The following WWP2 variants were observed in gnomAD, a reference collection of about 807,000 sequenced individuals.
WWP2 encodes the protein NEDD4-like E3 ubiquitin-protein ligase WWP2.
Under a neutral mutation model 121.0 loss-of-function variants are expected in WWP2, and 57 were observed. The observed-to-expected ratio is 0.47, with a 90% CI of 0.38 to 0.59. The LOEUF is 0.59. Ranked by LOEUF, WWP2 falls within the 20% of genes least tolerant of loss-of-function variation. WWP2 has a pLI of 0.00. For missense variants in WWP2, 962 were observed against 1,158.9 expected, an observed-to-expected ratio of 0.83 and a Z score of 2.47; for synonymous variants, 449 against 441.3, an observed-to-expected ratio of 1.02 and a Z score of -0.22.
chr16:69,859,658 G>A (rs1055295979), intron 6 of WWP2, among the ~76,000 whole-genome samples: 11 of 152,070 alleles, frequency 7.2e-5, no homozygotes, highest in African/African-American at 1.4e-4. Flanking sequence ...ACCATCAGCG[G>A]GGGTCCCTCT....
At chr16:69,886,725 A>C (rs773797549) in intron 7 of WWP2, among the ~76,000 whole-genome samples, 4 of 152,152 alleles carry the variant, frequency 2.6e-5, no homozygotes, top group Non-Finnish European at 5.9e-5. Context: ...GCGCCATTCC[A>C]CTCCAGCTTG....
chr16:69,807,619 CAAAAAAAA>C (rs530408058), intron 4 of WWP2, among the ~76,000 whole-genome samples: 2 of 46,886 alleles, frequency 4.3e-5, no homozygotes, highest in Non-Finnish European at 4.0e-5. Flanking sequence ...ACCCTTTCTC[CAAAAAAAA>C]AAAAAAAAAA....
chr16:69,933,605 G>A (rs1272973602), intron 16 of WWP2, among the ~76,000 whole-genome samples: 2 of 152,204 alleles, frequency 1.3e-5, no homozygotes, highest in Admixed American at 6.5e-5. Context: ...GTGCCCTTGT[G>A]CAGTGCACAG....
intron 7 of WWP2, among the ~76,000 whole-genome samples, chr16:69,882,276 T>C (rs1490159290): frequency 6.6e-6 from 1 of 152,244 alleles, no homozygotes; most frequent in African/African-American, 2.4e-5. Flanking sequence ...GTTTTGTAAA[T>C]GATATTGTTA....
chr16:69,798,803 G>A lies in WWP2; in HGVS notation c.192G>A (p.Glu64=), dbSNP rs1382810334. ...CTGGGAAGCGCATTGGGAGCTCTGA[G>A]CTTCTCTGGAATGAGATCATCATTT... ...KKTGKRIGSS[E]LLWNEIIILN... Residue 64 remains glutamate (E), a synonymous_variant, in exon 3 of 24, where the codon GAG becomes GAA. Transcript: ENST00000359154. 1.9e-5 allele frequency: 31 copies of A among 1,613,970 alleles called. No individual in the cohort carries two copies. The highest frequency in any genetic ancestry group is 2.6e-5 in the Non-Finnish European group (31 of 1,180,004).
intron 4 of WWP2, among the ~76,000 whole-genome samples, chr16:69,817,818 T>G (rs763563273): frequency 1.3e-5 from 2 of 151,826 alleles, no homozygotes; most frequent in Non-Finnish European, 2.9e-5. Flanking sequence ...GTCACCATGC[T>G]TGGCTAATTT....
intron 2 of WWP2, among the ~76,000 whole-genome samples, chr16:69,788,465 A>C (rs2055839316): frequency 6.6e-6 from 1 of 152,094 alleles, no homozygotes; most frequent in South Asian, 2.1e-4. Context: ...CCTGGTCTAC[A>C]TTCTCTGTGC....
At chr16:69,833,637 G>A (rs1045614322) in intron 4 of WWP2, among the ~76,000 whole-genome samples, 2 of 152,248 alleles carry the variant, frequency 1.3e-5, no homozygotes, top group Admixed American at 6.5e-5. Context: ...ACAGAAGGGT[G>A]CAGTCGTATA....
rs112790916 is a variant in WWP2, at chr16:69,936,506, G to T, written c.2117+54G>T. 53 of 1,606,790 alleles carry T rather than the reference G, an allele frequency of 3.3e-5. 1 individual carries two copies. The African/African-American group carries it at 3.9e-4, about 12-fold the overall frequency. On this transcript the variant is annotated intron_variant, in intron 19 of 23. Transcript: ENST00000359154. ...CCAGGGGTGGCGTGGAGATCTAGTGGGTTGCAGAGAAAGATGGGCCCCCAC... is the reference window on the plus strand; with the variant it reads ...CCAGGGGTGGCGTGGAGATCTAGTGTGTTGCAGAGAAAGATGGGCCCCCAC...
chr16:69,824,962 G>C (rs1026223501), intron 4 of WWP2, among the ~76,000 whole-genome samples: 8 of 151,986 alleles, frequency 5.3e-5, no homozygotes, highest in Non-Finnish European at 7.4e-5. Flanking sequence ...GTAGAGATGG[G>C]GTTTCACTTT....
intron 9 of WWP2, among the ~76,000 whole-genome samples, chr16:69,912,973 T>C: frequency 4.6e-4 from 1 of 2,180 alleles, no homozygotes; most frequent in Admixed American, 0.015. Context: ...TATATATATA[T>C]ATATATATAT....
chr16:69,939,226 A>C (rs1479900581), intron 22 of WWP2, 103 bp downstream of exon 22: 36 of 1,559,516 alleles, frequency 2.3e-5, no homozygotes, highest in Non-Finnish European at 3.1e-5. Context: ...TGGGATGGAG[A>C]AGAGCTGTGG....
At chr16:69,890,252 G>C (rs146031503) in intron 8 of WWP2, among the ~76,000 whole-genome samples, 29 of 151,834 alleles carry the variant, frequency 1.9e-4, no homozygotes, top group African/African-American at 6.8e-4. Flanking sequence ...TACTACGTAC[G>C]TATTGTTTTC....
intron 11 of WWP2, among the ~76,000 whole-genome samples, chr16:69,929,005 G>A (rs964880384): frequency 2.0e-5 from 3 of 152,176 alleles, no homozygotes; most frequent in South Asian, 2.1e-4. Flanking sequence ...GGACAGAGGC[G>A]CCCAGGTTAG....
At chr16:69,841,604 A>G (rs1241539368) in intron 5 of WWP2, among the ~76,000 whole-genome samples, 10 of 152,154 alleles carry the variant, frequency 6.6e-5, no homozygotes, top group Non-Finnish European at 1.3e-4. Context: ...CTCGCAGAAG[A>G]CTATGATGAT....
intron 8 of WWP2, among the ~76,000 whole-genome samples, chr16:69,897,649 C>G (rs897293262): frequency 2.0e-5 from 3 of 152,062 alleles, no homozygotes; most frequent in African/African-American, 7.2e-5. Flanking sequence ...GTGGCTCACG[C>G]CTGTAATCCC....
intron 4 of WWP2, among the ~76,000 whole-genome samples, chr16:69,836,092 C>T (rs1477235184): frequency 4.6e-5 from 7 of 152,070 alleles, no homozygotes; most frequent in African/African-American, 1.7e-4. Flanking sequence ...CGTGAGCCAC[C>T]GTGCCTGTGC....
At chr16:69,815,788 A>G (rs997905449) in intron 4 of WWP2, among the ~76,000 whole-genome samples, 4 of 135,546 alleles carry the variant, frequency 3.0e-5, no homozygotes, top group East Asian at 2.1e-4. Flanking sequence ...CTCCGTCTCG[A>G]AAAAAAAAAA....
chr16:69,785,627 CT>C (rs111997152), intron 1 of WWP2, among the ~76,000 whole-genome samples: 299 of 141,346 alleles, frequency 2.1e-3, no homozygotes, highest in Admixed American at 2.1e-3. Context: ...TGCTGCACAT[CT>C]TTTTTTTTTT....
Sources: allele counts gnomAD v4.1 joint callset (sites outside exome capture counted in the v4.1 genomes callset), GRCh38; gene constraint gnomAD v4.1.1; transcripts MANE v1.5; gene names NCBI Gene and HGNC (gene_info 2026-07-23, HGNC 2026-07-21).